Variants in MYO16 observed in about 807,000 individuals in gnomAD.
MYO16 encodes the protein myosin XVI.
A neutral mutation model predicts 205.3 loss-of-function variants in MYO16; 94 were observed. That is an observed-to-expected ratio of 0.46 (90% CI 0.39 to 0.54). The LOEUF is 0.54. MYO16 is among the 20% of genes least tolerant of loss of function. The pLI is 0.00. For synonymous variants in MYO16, 988 were observed against 954.0 expected (o/e 1.04, Z -0.66); for missense variants, 2,315 against 2,387.5 (o/e 0.97, Z 0.63).
intron 20 of MYO16, among the ~76,000 whole-genome samples, chr13:108,987,099 C>T (rs915562066): frequency 2.0e-4 from 31 of 152,146 alleles, no homozygotes; most frequent in African/African-American, 6.5e-4. Context: ...CAATGTTCCT[C>T]GCAAGGGGTC....
rs753746022 is a variant in MYO16, at chr13:108,962,443, A to G, written c.2175A>G (p.Val725=). ...TTTTAGTGGCTGGAATGTTACAAGTATCAACAGATGAATTGGCATCTGCCT... is the reference window on the plus strand; with the variant it reads ...TTTTAGTGGCTGGAATGTTACAAGTGTCAACAGATGAATTGGCATCTGCCT... ...LLEQVAGMLQ[V]STDELASALT... is the part of the protein sequence containing the mutation. The change falls in exon 19 of 35, where the codon GTA becomes GTG. Residue 725 remains valine (V), a synonymous_variant. Transcript: ENST00000457511. 6.2e-6 allele frequency: 10 copies of G among 1,602,694 alleles called. No homozygotes were observed. The highest frequency in any genetic ancestry group is 8.5e-6 in the Non-Finnish European group (10 of 1,176,904).
At chr13:108,555,762 C>A in the MYO16 span, among the ~76,000 whole-genome samples, 1 of 152,190 alleles carries the variant, frequency 6.6e-6, no homozygotes, top group East Asian at 1.9e-4. Context: ...CCTCCCCTTA[C>A]CACACCTTCC....
At chr13:109,093,560 G>A (rs868786043) in intron 27 of MYO16, among the ~76,000 whole-genome samples, 1 of 152,092 alleles carries the variant, frequency 6.6e-6, no homozygotes, top group African/African-American at 2.4e-5. Context: ...AATAGCATTA[G>A]TCTGGGGAAT....
chr13:108,729,763 T>C (rs1461482122), intron 4 of MYO16, among the ~76,000 whole-genome samples: 1 of 152,086 alleles, frequency 6.6e-6, no homozygotes, highest in Non-Finnish European at 1.5e-5. Context: ...GATCTCAGTT[T>C]CACTGCCAGC....
intron 34 of MYO16, among the ~76,000 whole-genome samples, chr13:109,186,678 C>A (rs1470375510): frequency 6.6e-6 from 1 of 152,140 alleles, no homozygotes; most frequent in Non-Finnish European, 1.5e-5. Flanking sequence ...ATGCCTCCTT[C>A]ATTGGAAACT....
chr13:109,129,115 G>C (rs1178394769), intron 31 of MYO16, among the ~76,000 whole-genome samples: 2 of 135,270 alleles, frequency 1.5e-5, no homozygotes, highest in Non-Finnish European at 3.1e-5. Context: ...ACAATATATT[G>C]TCATTAACTA....
At chr13:108,823,380 T>A (rs903452781) in intron 9 of MYO16, 102 bp downstream of exon 9, 1 of 1,097,430 alleles carries the variant, frequency 9.1e-7, no homozygotes, top group South Asian at 2.1e-5. Context: ...TTAGAACAAT[T>A]AAAATGGTTT....
chr13:108,926,038 A>T (rs1232719861), intron 16 of MYO16, among the ~76,000 whole-genome samples: 1 of 152,190 alleles, frequency 6.6e-6, no homozygotes, highest in African/African-American at 2.4e-5. Flanking sequence ...TTCTGACCGC[A>T]CAAAGACTCA....
intron 34 of MYO16, among the ~76,000 whole-genome samples, chr13:109,204,304 T>C (rs575869964): frequency 6.6e-6 from 1 of 152,356 alleles, no homozygotes; most frequent in East Asian, 1.9e-4. Flanking sequence ...AGCGATATTC[T>C]TCCATCAGTT....
chr13:109,029,551 C>G (rs1371165551), intron 23 of MYO16, among the ~76,000 whole-genome samples: 1 of 152,138 alleles, frequency 6.6e-6, no homozygotes, highest in Non-Finnish European at 1.5e-5. Context: ...ATGAACTAAT[C>G]AACAGGGCAG....
intron 32 of MYO16, among the ~76,000 whole-genome samples, chr13:109,143,329 C>T (rs1877188713): frequency 6.6e-6 from 1 of 152,092 alleles, no homozygotes; most frequent in South Asian, 2.1e-4. Context: ...ATTTATTCTT[C>T]AGACAAATAA....
At position 108,763,510 on chromosome 13, in the gene MYO16, A is replaced by G. The variant is rs1199064052; in HGVS notation, c.508-22125A>G. ...AGAATGGTGATGAAGGAAATGAAGA[A>G]AATATTCATGGTAGAATTTGGCGTT... On this transcript the variant is annotated intron_variant, in intron 4 of 34. Coordinates refer to ENST00000457511, the MANE Select transcript of MYO16 (RefSeq NM_001198950.3). Among the ~76,000 whole-genome samples the G allele has an allele frequency of 5.3e-5, 8 of 152,206 alleles. No individual in the cohort carries two copies. The East Asian group carries it at 1.5e-3, about 29-fold the overall frequency.
At chr13:109,027,580 CCAGGGT>C (rs1355524395) in intron 23 of MYO16, among the ~76,000 whole-genome samples, 2 of 151,812 alleles carry the variant, frequency 1.3e-5, no homozygotes, top group Non-Finnish European at 2.9e-5. Context: ...GCCCAGCTGG[CCAGGGT>C]TTGATTTCCA....
At chr13:108,662,100 A>G (rs1881528120) in intron 1 of MYO16, among the ~76,000 whole-genome samples, 2 of 152,258 alleles carry the variant, frequency 1.3e-5, no homozygotes, top group Middle Eastern at 3.4e-3. Context: ...CCAGGCTGGT[A>G]CTGGGGGTTG....
intron 23 of MYO16, among the ~76,000 whole-genome samples, chr13:109,023,067 TTATA>T (rs964070215): frequency 3.0e-5 from 4 of 131,712 alleles, no homozygotes; most frequent in Non-Finnish European, 4.6e-5. Flanking sequence ...ATGTTTATAT[TTATA>T]TATTATATAT....
intron 23 of MYO16, among the ~76,000 whole-genome samples, chr13:109,031,632 A>C (rs1886550081): frequency 6.6e-6 from 1 of 152,192 alleles, no homozygotes; most frequent in African/African-American, 2.4e-5. Context: ...AATTATTTTC[A>C]CATTTTTGTT....
chr13:108,533,243 G>A, the MYO16 span, among the ~76,000 whole-genome samples: 1 of 152,138 alleles, frequency 6.6e-6, no homozygotes, highest in African/African-American at 2.4e-5. Context: ...TACCTCCCGA[G>A]AGGTAACTAT....
At chr13:108,649,604 A>G (rs1880909709) in intron 1 of MYO16, among the ~76,000 whole-genome samples, 1 of 152,258 alleles carries the variant, frequency 6.6e-6, no homozygotes, top group South Asian at 2.1e-4. Flanking sequence ...ATTAACCTTC[A>G]ATAAGCAAGG....
At chr13:109,137,321 C>A (rs1876823918) in intron 31 of MYO16, among the ~76,000 whole-genome samples, 1 of 152,212 alleles carries the variant, frequency 6.6e-6, no homozygotes, top group African/African-American at 2.4e-5. Flanking sequence ...TTCACTGGGG[C>A]AGAGACAGAG....
Sources: allele counts gnomAD v4.1 joint callset (sites outside exome capture counted in the v4.1 genomes callset), GRCh38; gene constraint gnomAD v4.1.1; transcripts MANE v1.5; gene names NCBI Gene and HGNC (gene_info 2026-07-23, HGNC 2026-07-21).